MTHFD1: variants seen among roughly 807,000 people sequenced by gnomAD.
The protein encoded by MTHFD1 is methylenetetrahydrofolate dehydrogenase, cyclohydrolase and formyltetrahydrofolate synthetase 1, also known as C-1-tetrahydrofolate synthase, cytoplasmic.
A neutral mutation model predicts 110.3 loss-of-function variants in MTHFD1; 44 were observed. The ratio of observed to expected loss-of-function variants is 0.40; its 90% CI spans 0.31 to 0.51. The LOEUF (loss-of-function observed/expected upper bound fraction) is 0.51, where lower values mean the gene tolerates loss of function less well. MTHFD1 is among the 20% of genes least tolerant of loss of function. The pLI, the probability that MTHFD1 is intolerant of heterozygous loss-of-function variation, is 0.60. For missense variants in MTHFD1, 909 were observed against 1,173.1 expected (o/e 0.77, Z 3.29); for synonymous variants, 402 against 428.8 (o/e 0.94, Z 0.77).
chr14:64,420,654 C>T (rs1423495397), intron 8 of MTHFD1, among the ~76,000 whole-genome samples: 1 of 152,186 alleles, frequency 6.6e-6, no homozygotes, highest in Non-Finnish European at 1.5e-5. Flanking sequence ...CCTCCAGCTG[C>T]TTCCCACTCA....
At chr14:64,441,831 T>C in intron 19 of MTHFD1, 1 of 615,680 alleles carries the variant, frequency 1.6e-6, no homozygotes, top group Non-Finnish European at 2.9e-6. Context: ...TTAAGCACAC[T>C]TAACCTGGGT....
chr14:64,435,432 G>A (rs943369920), intron 15 of MTHFD1, 137 bp from the exon 16 acceptor site: 2 of 695,906 alleles, frequency 2.9e-6, no homozygotes, highest in South Asian at 3.0e-5. Flanking sequence ...CCAGCTTTCA[G>A]TTTTTCCTTC....
intron 2 of MTHFD1, among the ~76,000 whole-genome samples, chr14:64,404,098 G>A (rs535356112): frequency 2.0e-5 from 3 of 152,308 alleles, no homozygotes; most frequent in African/African-American, 7.2e-5. Flanking sequence ...AGCTAGTCTG[G>A]CCCTCATAAA....
intron 12 of MTHFD1, among the ~76,000 whole-genome samples, chr14:64,428,555 CTTT>C (rs34456417): frequency 2.8e-4 from 37 of 133,860 alleles, no homozygotes; most frequent in Middle Eastern, 3.8e-3. Flanking sequence ...ACCCTTCCAC[CTTT>C]TTTTTTTTTT....
chr14:64,430,236 G>A lies in MTHFD1; in HGVS notation c.1311+6G>A, dbSNP rs1029416951. On this transcript the variant is annotated splice_donor_region_variant and intron_variant, in intron 13 of 27. Transcript: ENST00000652337. ...AGGTCATTCCTATGGAAGAGGTAAA[G>A]TATTCTGGGATTTGGCTGAATTAGA... 7 of 1,613,208 alleles carry A rather than the reference G, an allele frequency of 4.3e-6. No homozygotes were observed. The African/African-American group carries it at 9.3e-5, about 22-fold the overall frequency.
chr14:64,438,323 A>C (rs2078222459), intron 16 of MTHFD1, among the ~76,000 whole-genome samples: 1 of 152,180 alleles, frequency 6.6e-6, no homozygotes, highest in Non-Finnish European at 1.5e-5. Flanking sequence ...TTATTACCAT[A>C]AACTCAGGTG....
intron 8 of MTHFD1, chr14:64,424,263 TCTTGTGTC>T (rs1479033135): frequency 1.1e-5 from 2 of 174,014 alleles, no homozygotes; most frequent in Non-Finnish European, 2.5e-5. Context: ...TTGTAGTTGT[TCTTGTGTC>T]CTTTTAAGGG....
In MTHFD1 at chr14:64,458,837, A is replaced by G. The variant is rs59470472; in HGVS notation, c.*4+530A>G. On this transcript the variant is annotated intron_variant, in intron 27 of 27. Transcript: ENST00000652337. ...GCAATGAGTGACATTGCATTGTTTGATATTTTTGAAATTTCAACAGGACGT... is the reference window on the plus strand; with the variant it reads ...GCAATGAGTGACATTGCATTGTTTGGTATTTTTGAAATTTCAACAGGACGT... Among the ~76,000 whole-genome samples, 1,474 of 152,292 alleles carry G rather than the reference A, an allele frequency of 9.7e-3. 24 individuals carry two copies. The highest frequency in any genetic ancestry group is 0.032 in the African/African-American group (1,323 of 41,550).
intron 22 of MTHFD1, among the ~76,000 whole-genome samples, chr14:64,446,275 GAAT>G (rs1473946302): frequency 2.0e-5 from 3 of 152,096 alleles, no homozygotes; most frequent in Non-Finnish European, 2.9e-5. Context: ...TCCTAAAATG[GAAT>G]AATTAAGCTC....
intron 2 of MTHFD1, among the ~76,000 whole-genome samples, chr14:64,408,285 C>CTT (rs1555336630): frequency 5.8e-5 from 7 of 121,168 alleles, no homozygotes; most frequent in East Asian, 2.5e-4. Flanking sequence ...AATCAGCATT[C>CTT]TTTTTTTTTT....
rs1002537957 is a variant in MTHFD1, at chr14:64,453,701, A to G, written c.2458-53A>G. ...TAGAATGTGGCTATGTCCTGGTTAA[A>G]TGTCCTCACATGTGTCCAGTCATGG... On this transcript the variant is annotated intron_variant, in intron 24 of 27. Coordinates refer to ENST00000652337, the MANE Select transcript of MTHFD1 (RefSeq NM_005956.4). 5.5e-6 allele frequency: 6 copies of G among 1,086,884 alleles called. No homozygotes were observed. In the African/African-American group the frequency reaches 7.8e-5, roughly 14 times the overall value. The allele number at this position is 1,086,884 out of a possible 1,614,324, so 67.3% of individuals were successfully genotyped here.
intron 4 of MTHFD1, 109 bp downstream of exon 4, chr14:64,412,634 A>AT (rs10678665): frequency 0.42 from 197,884 of 476,522 alleles, 25,493 homozygotes; most frequent in African/African-American, 0.62. Flanking sequence ...ACCTCCAGGT[A>AT]TTTTTTTTTT....
At chr14:64,391,455 G>A (rs1054113172) in intron 1 of MTHFD1, among the ~76,000 whole-genome samples, 3 of 152,200 alleles carry the variant, frequency 2.0e-5, no homozygotes, top group African/African-American at 7.2e-5. Flanking sequence ...GTGAGCCACT[G>A]CGCCCCCGCT....
At chr14:64,391,780 C>T (rs1211609720) in intron 1 of MTHFD1, among the ~76,000 whole-genome samples, 1 of 152,184 alleles carries the variant, frequency 6.6e-6, no homozygotes, top group Admixed American at 6.5e-5. Context: ...GAGTTAGAGA[C>T]AAGTATCTGT....
In MTHFD1 at chr14:64,435,686, T is replaced by A. The variant is rs1343202950; in HGVS notation, c.1597+15T>A. 2.0e-6 allele frequency: 3 copies of A among 1,510,004 alleles called. No homozygotes were observed. In the African/African-American group the frequency reaches 4.1e-5, roughly 21 times the overall value. The allele number at this position is 1,510,004 out of a possible 1,614,324, so 93.5% of individuals were successfully genotyped here. A position where few individuals can be genotyped will look rare whatever the true frequency, so the allele number is the denominator to read the frequency against. On this transcript the variant is annotated intron_variant, in intron 16 of 27. Coordinates refer to ENST00000652337, the MANE Select transcript of MTHFD1 (RefSeq NM_005956.4). ...TTGGCAAAGAGGTACCAGAGCAGTATACAAGCCCCGTTTGTTTTGGCTATA... is the reference window on the plus strand; with the variant it reads ...TTGGCAAAGAGGTACCAGAGCAGTAAACAAGCCCCGTTTGTTTTGGCTATA...
chr14:64,424,548 A>G (rs1449017084), intron 8 of MTHFD1, among the ~76,000 whole-genome samples: 4 of 152,144 alleles, frequency 2.6e-5, no homozygotes, highest in African/African-American at 7.2e-5. Flanking sequence ...TTGGTATTTT[A>G]TTTGCCACCT....
chr14:64,452,520 C>A (rs1029803163), intron 24 of MTHFD1, among the ~76,000 whole-genome samples: 14 of 152,290 alleles, frequency 9.2e-5, no homozygotes, highest in Admixed American at 9.2e-4. Flanking sequence ...AAGGCTTTGC[C>A]CCGGAGGAAA....
intron 2 of MTHFD1, among the ~76,000 whole-genome samples, chr14:64,403,571 A>AT (rs1203996440): frequency 7.4e-6 from 1 of 134,350 alleles, no homozygotes; most frequent in Non-Finnish European, 1.6e-5. Flanking sequence ...CCCAGCCTTA[A>AT]TTTTTTGTAT....
intron 9 of MTHFD1, 114 bp from the exon 10 acceptor site, chr14:64,425,616 G>A (rs2078112854): frequency 2.3e-6 from 2 of 868,922 alleles, no homozygotes; most frequent in South Asian, 2.7e-5. Flanking sequence ...ATGGTAATAA[G>A]TGGGTCTGAA....
Sources: gnomAD v4.1 joint callset for allele counts (sites outside exome capture counted in the v4.1 genomes callset) on GRCh38, gnomAD v4.1.1 for gene constraint, MANE v1.5 for transcripts, NCBI Gene and HGNC (gene_info 2026-07-23, HGNC 2026-07-21) for gene names.